Variants in PSD3 observed in about 807,000 individuals in gnomAD.
PSD3 encodes PH and SEC7 domain-containing protein 3.
A neutral mutation model predicts 105.5 loss-of-function variants in PSD3; 49 were observed. The observed-to-expected ratio is 0.46, with a 90% CI of 0.37 to 0.59. The LOEUF (loss-of-function observed/expected upper bound fraction) is 0.59, where lower values mean the gene tolerates loss of function less well. Ranked by LOEUF, PSD3 falls within the 20% of genes least tolerant of loss-of-function variation. The probability of loss-of-function intolerance (pLI) is 0.00; values close to 1 mark genes in which losing one functional copy is unlikely to be tolerated. For missense variants in PSD3, 1,561 were observed against 1,263.8 expected, an observed-to-expected ratio of 1.24 and a Z score of -3.57; for synonymous variants, 557 against 457.8, an observed-to-expected ratio of 1.22 and a Z score of -2.77.
At chr8:18,873,070 A>G (rs1817498106) in intron 2 of PSD3, among the ~76,000 whole-genome samples, 1 of 152,222 alleles carries the variant, frequency 6.6e-6, no homozygotes, top group Non-Finnish European at 1.5e-5. Context: ...GATATGTACC[A>G]ACTTCCAAAT....
chr8:18,710,534 AC>A, intron 9 of PSD3, among the ~76,000 whole-genome samples: 1 of 152,208 alleles, frequency 6.6e-6, no homozygotes, highest in Middle Eastern at 3.4e-3. Flanking sequence ...ACTCTAAGAT[AC>A]CTAATCTTCA....
chr8:18,681,428 G>A (rs1800382026), intron 9 of PSD3, among the ~76,000 whole-genome samples: 1 of 130,808 alleles, frequency 7.6e-6, no homozygotes, highest in Non-Finnish European at 1.6e-5. Flanking sequence ...GCAACATACT[G>A]AGACATTGTT....
At chr8:18,863,503 G>A (rs1816606422) in intron 4 of PSD3, among the ~76,000 whole-genome samples, 2 of 152,184 alleles carry the variant, frequency 1.3e-5, no homozygotes, top group African/African-American at 2.4e-5. Flanking sequence ...AGGCTGAGCT[G>A]TTTCCGGCTG....
At chr8:18,879,051 AACACACACACACACAC>A (rs59598569) in intron 2 of PSD3, among the ~76,000 whole-genome samples, 4 of 138,582 alleles carry the variant, frequency 2.9e-5, no homozygotes, top group Non-Finnish European at 6.4e-5. Flanking sequence ...CACACACACA[AACACACACACACACAC>A]ACACACACAC....
At chr8:19,069,118 A>G (rs557153271) in intron 1 of PSD3, among the ~76,000 whole-genome samples, 2 of 152,336 alleles carry the variant, frequency 1.3e-5, no homozygotes, top group South Asian at 4.1e-4. Flanking sequence ...ATAGCCACCC[A>G]GTGCGGTAAT....
At chr8:18,852,034 GC>G (rs1369928618) in intron 4 of PSD3, among the ~76,000 whole-genome samples, 1 of 152,054 alleles carries the variant, frequency 6.6e-6, no homozygotes, top group African/African-American at 2.4e-5. Flanking sequence ...TTAAACAAGA[GC>G]TTTAGAAACA....
chr8:18,720,701 A>G (rs1802913425), intron 9 of PSD3, among the ~76,000 whole-genome samples: 1 of 152,122 alleles, frequency 6.6e-6, no homozygotes. Flanking sequence ...GGCCACCCCC[A>G]CAGTGCTCTG....
intron 1 of PSD3, among the ~76,000 whole-genome samples, chr8:18,946,955 A>G (rs1822900871): frequency 6.7e-6 from 1 of 149,900 alleles, no homozygotes; most frequent in Admixed American, 6.7e-5. Context: ...TATAAAATAA[A>G]ATTAAATAAT....
At chr8:18,556,092 A>C in intron 15 of PSD3, 117 bp downstream of exon 15, 1 of 1,265,368 alleles carries the variant, frequency 7.9e-7, no homozygotes, top group Admixed American at 2.4e-5. Flanking sequence ...CTCCCAAATT[A>C]GAGCCAGGGG....
At chr8:19,064,258 C>T (rs1272837324) in intron 1 of PSD3, among the ~76,000 whole-genome samples, 1 of 152,068 alleles carries the variant, frequency 6.6e-6, no homozygotes, top group Admixed American at 6.6e-5. Flanking sequence ...TTAAAGACAC[C>T]TTTAGTGTGT....
chr8:18,568,934 C>T (rs1472744332), intron 14 of PSD3, among the ~76,000 whole-genome samples: 1 of 148,554 alleles, frequency 6.7e-6, no homozygotes, highest in Non-Finnish European at 1.5e-5. Context: ...TCAGTTCCCA[C>T]CTATGAGTGA....
At chr8:19,044,792 G>A (rs570595754) in intron 1 of PSD3, among the ~76,000 whole-genome samples, 5 of 145,980 alleles carry the variant, frequency 3.4e-5, no homozygotes, top group African/African-American at 8.3e-5. Context: ...ATTCTTCAAG[G>A]ATGAATAGGA....
intron 9 of PSD3, among the ~76,000 whole-genome samples, chr8:18,735,946 C>G (rs1306213879): frequency 6.6e-6 from 1 of 152,000 alleles, no homozygotes; most frequent in East Asian, 1.9e-4. Flanking sequence ...TAAATAAAAA[C>G]AATTGATTTT....
intron 6 of PSD3, chr8:18,802,354 TA>T: frequency 2.3e-6 from 1 of 426,072 alleles, no homozygotes; most frequent in Non-Finnish European, 4.7e-6. Flanking sequence ...TTCATTTTCC[TA>T]AACATGAGAT....
chr8:18,930,379 A>G (rs1821662626), intron 2 of PSD3, among the ~76,000 whole-genome samples: 1 of 152,148 alleles, frequency 6.6e-6, no homozygotes, highest in Non-Finnish European at 1.5e-5. Context: ...TGTGTTATTC[A>G]TTCCTCATTC....
chr8:18,890,661 G>T (rs999038239), intron 2 of PSD3, among the ~76,000 whole-genome samples: 2 of 152,096 alleles, frequency 1.3e-5, no homozygotes, highest in Non-Finnish European at 1.5e-5. Context: ...TAATAAAGAG[G>T]TAATTACAAG....
At chr8:19,017,887 G>A (rs1045952596), upstream of PSD3, among the ~76,000 whole-genome samples, 1 of 152,162 alleles carries the variant, frequency 6.6e-6, no homozygotes, top group African/African-American at 2.4e-5. Flanking sequence ...AAGTTTTCAT[G>A]TAGCTGTTAT....
chr8:18,567,026 A>G (rs530916760), intron 14 of PSD3, among the ~76,000 whole-genome samples: 2 of 152,302 alleles, frequency 1.3e-5, no homozygotes, highest in South Asian at 2.1e-4. Context: ...TACATTTTTT[A>G]AAGTATAAAG....
rs144657881 is a variant in PSD3, at chr8:18,611,906, G to A, written c.2411-11472C>T. ...GTTGCAAATGACTAAAAGGCAGCAG[G>A]GAAGACCCCTTCTTGCTTAACTGTT... On this transcript the variant is annotated intron_variant, in intron 11 of 15. Transcript: ENST00000327040. 8.0e-3 allele frequency among the ~76,000 whole-genome samples: 1,218 copies of A among 152,172 alleles called. 10 individuals are homozygous for A. The highest frequency in any genetic ancestry group is 0.013 in the Non-Finnish European group (868 of 68,000).
Sources: gnomAD v4.1 joint callset for allele counts (sites outside exome capture counted in the v4.1 genomes callset) on GRCh38, gnomAD v4.1.1 for gene constraint, MANE v1.5 for transcripts, NCBI Gene and HGNC (gene_info 2026-07-23, HGNC 2026-07-21) for gene names.